The following SNAP91 variants were observed in gnomAD, a reference collection of about 807,000 sequenced individuals.
SNAP91 encodes the protein synaptosome associated protein 91.
In SNAP91, 27 loss-of-function variants were observed where a neutral mutation model predicts 100.3. That is an observed-to-expected ratio of 0.27 (90% confidence interval 0.20 to 0.37). SNAP91 has a LOEUF of 0.37. SNAP91 is among the 10% of genes least tolerant of loss of function. The pLI is 1.00. For missense variants in SNAP91, 986 were observed against 1,123.7 expected, an observed-to-expected ratio of 0.88 and a Z score of 1.75; for synonymous variants, 404 against 398.6, an observed-to-expected ratio of 1.01 and a Z score of -0.16.
intron 13 of SNAP91, among the ~76,000 whole-genome samples, chr6:83,606,091 TCAA>T (rs1252216264): frequency 6.6e-6 from 1 of 152,052 alleles, no homozygotes; most frequent in Non-Finnish European, 1.5e-5. Flanking sequence ...CACAAACAAA[TCAA>T]CATGTCTTTG....
chr6:83,621,697 T>C (rs1169970215), intron 9 of SNAP91, among the ~76,000 whole-genome samples: 1 of 152,120 alleles, frequency 6.6e-6, no homozygotes, highest in East Asian at 1.9e-4. Context: ...ATTTAAGTAG[T>C]CATTTGAATA....
In SNAP91 at chr6:83,707,851, A is replaced by G. The variant is rs1588443571; in HGVS notation, c.77T>C (p.Val26Ala). 1 of 1,612,784 alleles carries G rather than the reference A, an allele frequency of 6.2e-7. No homozygotes were observed. The highest frequency in any genetic ancestry group is 1.3e-5 in the African/African-American group (1 of 74,864). ...TACTTCATGAGTAGTGGCTTTGCAG[A>G]CCGCTCTTGCTACAGCAGAGCCTGT... ...SVTGSAVARA[V>A]CKATTHEVMG... is the part of the protein sequence containing the mutation. Residue 26 changes from valine (V) to alanine (A), a missense_variant, in exon 2 of 30, where the codon GTC becomes GCC. Coordinates refer to ENST00000369694, the MANE Select transcript of SNAP91 (RefSeq NM_001242792.2).
At chr6:83,562,165 C>A (rs554421008) in intron 26 of SNAP91, among the ~76,000 whole-genome samples, 1 of 152,268 alleles carries the variant, frequency 6.6e-6, no homozygotes, top group Admixed American at 6.5e-5. Context: ...GAAAAGGTAA[C>A]ACTTTCTAAT....
At position 83,707,823 on chromosome 6, in the gene SNAP91, C is replaced by G; in HGVS notation, c.105G>C (p.Met35Ile). The G allele has an allele frequency of 6.2e-7, 1 of 1,613,328 alleles. No homozygotes were observed. The highest frequency in any genetic ancestry group is 1.1e-5 in the South Asian group (1 of 90,930). Residue 35 changes from methionine to isoleucine, a missense_variant, in exon 2 of 30, where the codon ATG becomes ATC. Transcript: ENST00000369694. ...AGTCCAGGTGCTTTTTCTTGGGGCC[C>G]ATTACTTCATGAGTAGTGGCTTTGC... ...AVCKATTHEV[M>I]GPKKKHLDYL...
At chr6:83,605,138 T>C (rs1254699219) in intron 14 of SNAP91, among the ~76,000 whole-genome samples, 1 of 139,376 alleles carries the variant, frequency 7.2e-6, no homozygotes, top group East Asian at 2.1e-4. Flanking sequence ...AGTGCTTAGA[T>C]GTGATTCCTC....
At chr6:83,656,190 T>G (rs2098400330) in intron 7 of SNAP91, among the ~76,000 whole-genome samples, 1 of 152,136 alleles carries the variant, frequency 6.6e-6, no homozygotes, top group Admixed American at 6.6e-5. Flanking sequence ...GAAAAGGTGA[T>G]GGATGGACCT....
Position 83,601,435 on chromosome 6 carries a change from G to T in SNAP91, c.1160C>A (p.Ser387Tyr). 1 of 1,613,586 alleles carries T rather than the reference G, an allele frequency of 6.2e-7. No individual in the cohort carries two copies. ...GGGAACAGAGGAAAGTGCAGCCAAA[G>T]AATCTATATTTCACCAGAGACAGAG... ...TAWGDLLGED[S>Y]LAALSSVPSE... The change falls in exon 16 of 30, where the codon TCT becomes TAT. Residue 387 changes from serine (S) to tyrosine (Y), a missense_variant. By Grantham distance (144) the Ser-to-Tyr change is moderately radical (BLOSUM62 -2). This residue lies in a region of SNAP91 where 575 missense variants were observed against 579.9 expected (regional missense o/e 0.99). Transcript: ENST00000369694.
chr6:83,646,354 T>C (rs1314956421), intron 7 of SNAP91, among the ~76,000 whole-genome samples: 1 of 152,226 alleles, frequency 6.6e-6, no homozygotes, highest in Non-Finnish European at 1.5e-5. Flanking sequence ...TTTATAGTTT[T>C]GCATTTTACA....
At position 83,628,958 on chromosome 6, in the gene SNAP91, T is replaced by G. The variant is rs547202361; in HGVS notation, c.766-5616A>C. On this transcript the variant is annotated intron_variant, in intron 8 of 29. Transcript: ENST00000369694. ...TTGCCTACGCCAATGTCTAGAAGGGTTTTTCCAATGTTATCTTCTAGAATT... is the reference window on the plus strand; with the variant it reads ...TTGCCTACGCCAATGTCTAGAAGGGGTTTTCCAATGTTATCTTCTAGAATT... Among the ~76,000 whole-genome samples, 17 of 152,222 alleles carry G rather than the reference T, an allele frequency of 1.1e-4. 1 individual carries two copies. In the South Asian group the frequency reaches 3.1e-3, roughly 28 times the overall value.
At chr6:83,641,362 C>A (rs1469065712) in intron 7 of SNAP91, among the ~76,000 whole-genome samples, 160 bp from the exon 8 acceptor site, 1 of 151,974 alleles carries the variant, frequency 6.6e-6, no homozygotes, top group Non-Finnish European at 1.5e-5. Context: ...ACAAAGGGAA[C>A]CTGAATAGAT....
At chr6:83,601,774 T>G (rs2095256071) in intron 14 of SNAP91, among the ~76,000 whole-genome samples, 175 bp from the exon 15 acceptor site, 1 of 152,182 alleles carries the variant, frequency 6.6e-6, no homozygotes, top group Non-Finnish European at 1.5e-5. Flanking sequence ...CATGGAACTT[T>G]TAAGCTAGAA....
At chr6:83,611,018 ACTGT>A (rs2096018672) in intron 11 of SNAP91, among the ~76,000 whole-genome samples, 1 of 152,044 alleles carries the variant, frequency 6.6e-6, no homozygotes, top group Admixed American at 6.6e-5. Flanking sequence ...TAAAAAACAA[ACTGT>A]CTAAATGGGA....
chr6:83,668,508 T>G (rs558577822), intron 2 of SNAP91, among the ~76,000 whole-genome samples: 2 of 152,116 alleles, frequency 1.3e-5, no homozygotes, highest in East Asian at 1.9e-4. Context: ...CCATAAAAAA[T>G]GATGAGTTCA....
At chr6:83,601,733 G>A in intron 14 of SNAP91, 134 bp from the exon 15 acceptor site, 2 of 795,362 alleles carry the variant, frequency 2.5e-6, no homozygotes, top group Non-Finnish European at 4.2e-6. Flanking sequence ...TACACCATTT[G>A]CAATTAAAAA....
At chr6:83,602,761 C>T (rs756202762) in intron 14 of SNAP91, among the ~76,000 whole-genome samples, 37 of 152,118 alleles carry the variant, frequency 2.4e-4, no homozygotes, top group Non-Finnish European at 4.6e-4. Context: ...TGTTTTGTTG[C>T]GGCAAAAGTG....
chr6:83,645,259 A>T lies in SNAP91; in HGVS notation c.659-4057T>A, dbSNP rs563459276. ...GATATATCCTGACTTTTTTTTTTTT[A>T]GAAAAATACTTTTTTAAAGAGTAGT... On this transcript the variant is annotated intron_variant, in intron 7 of 29. Transcript: ENST00000369694. Among the ~76,000 whole-genome samples, 1,352 of 149,994 alleles carry T rather than the reference A, an allele frequency of 9.0e-3. 11 individuals carry two copies. The highest frequency in any genetic ancestry group is 0.031 in the African/African-American group (1,270 of 40,922).
intron 27 of SNAP91, 50 bp downstream of exon 27, chr6:83,560,814 A>G (rs1425830551): frequency 1.3e-6 from 2 of 1,506,034 alleles, no homozygotes; most frequent in African/African-American, 2.7e-5. Flanking sequence ...GGGATTTGGC[A>G]AATTATTTAG....
rs59113247 is a variant in SNAP91 at position 83,706,645 on chromosome 6, C to T, written c.130+1153G>A. 4.4e-3 allele frequency among the ~76,000 whole-genome samples: 672 copies of T among 152,314 alleles called. 6 individuals are homozygous for T. Among genetic ancestry groups the T allele is most frequent in the African/African-American group, 0.015 (639 of 41,572 alleles). Reference sequence around the variant, plus strand: ...ATAATAGGGCTAGAGTGAATTCTGACACTGGTGCCATTTTCTTAGCTGCAC... The same window carrying T: ...ATAATAGGGCTAGAGTGAATTCTGATACTGGTGCCATTTTCTTAGCTGCAC... On this transcript the variant is annotated intron_variant, in intron 2 of 29. Transcript: ENST00000369694.
intron 13 of SNAP91, among the ~76,000 whole-genome samples, chr6:83,606,849 T>C (rs1455317712): frequency 6.6e-6 from 1 of 152,226 alleles, no homozygotes; most frequent in East Asian, 1.9e-4. Context: ...TACATATTTA[T>C]TATTAATATC....
Sources: gnomAD v4.1 joint callset for allele counts (sites outside exome capture counted in the v4.1 genomes callset) on GRCh38, gnomAD v4.1.1 for gene constraint, gnomAD v4.1.1 regional missense constraint, MANE v1.5 for transcripts, NCBI Gene and HGNC (gene_info 2026-07-23, HGNC 2026-07-21) for gene names.